Variants in KANSL3 observed in about 807,000 individuals in gnomAD.
The protein encoded by KANSL3 is KAT8 regulatory NSL complex subunit 3, also known as NSL complex protein NSL3.
A neutral mutation model predicts 89.2 loss-of-function variants in KANSL3; 16 were observed. The observed-to-expected ratio is 0.18, with a 90% CI of 0.12 to 0.27. The LOEUF (loss-of-function observed/expected upper bound fraction) is 0.27. Among genes scored for constraint, KANSL3 ranks in the 10% least tolerant of loss-of-function variants. The pLI, the probability that KANSL3 is intolerant of heterozygous loss-of-function variation, is 1.00. For missense variants in KANSL3, 879 were observed against 1,110.6 expected, an observed-to-expected ratio of 0.79 and a Z score of 2.96; for synonymous variants, 385 against 419.7, an observed-to-expected ratio of 0.92 and a Z score of 1.01.
At position 96,602,238 on chromosome 2, in the gene KANSL3, G is replaced by A; in HGVS notation, c.2360C>T (p.Ser787Phe). ...VRTIPVATTL[S>F]SLGATPGGKP... is the part of the protein sequence containing the mutation. ...CCCACCAGGAGTGGCACCCAAGGAG[G>A]AGAGAGTGGTGGCCACAGGAATGGT... The change falls in exon 19 of 21, where the codon TCC becomes TTC. Residue 787 changes from serine to phenylalanine, a missense_variant. By Grantham distance (155) the Ser-to-Phe change is radical. This residue lies in a region of KANSL3 where 89 missense variants were observed against 139.7 expected (regional missense o/e 0.64). Transcript: ENST00000431828. 1 of 1,611,812 alleles carries A rather than the reference G, an allele frequency of 6.2e-7. No individual in the cohort carries two copies. Among genetic ancestry groups the A allele is most frequent in the Non-Finnish European group, 8.5e-7 (1 of 1,179,110 alleles).
chr2:96,622,248 A>G (rs569300655), intron 3 of KANSL3, among the ~76,000 whole-genome samples: 1 of 152,246 alleles, frequency 6.6e-6, no homozygotes, highest in Admixed American at 6.5e-5. Context: ...ACAAAGTGAG[A>G]CCTTGTCTAC....
chr2:96,605,619 G>A, intron 14 of KANSL3, 108 bp from the exon 15 acceptor site: 3 of 921,224 alleles, frequency 3.3e-6, no homozygotes, highest in Non-Finnish European at 5.2e-6. Flanking sequence ...GAACACACAG[G>A]ATAACCACTC....
chr2:96,595,634 G>GT lies in KANSL3; in HGVS notation c.2617-4dup. The GT allele has an allele frequency of 6.2e-7, 1 of 1,613,812 alleles. No homozygotes were observed. The highest frequency in any genetic ancestry group is 1.3e-5 in the African/African-American group (1 of 75,062). On this transcript the variant is annotated splice_polypyrimidine_tract_variant and splice_region_variant and intron_variant, in intron 20 of 20. Transcript: ENST00000431828. ...CTTCAGGGTGCTGGAGGCAGGCGCT[G>GT]TGGCAGGAGAGGTAGTGAAGAAGGG...
chr2:96,584,826 C>T, the KANSL3 span, among the ~76,000 whole-genome samples: 6 of 152,202 alleles, frequency 3.9e-5, no homozygotes, highest in South Asian at 2.1e-4. Context: ...CTGTAATAAA[C>T]ATGGGAGTGC....
At chr2:96,613,656 AAGC>A (rs1210960905) in intron 5 of KANSL3, 37 bp from the exon 6 acceptor site, 2 of 1,600,138 alleles carry the variant, frequency 1.2e-6, no homozygotes, top group Non-Finnish European at 1.7e-6. Context: ...CTCCAGTGTA[AAGC>A]AGGAGACCTT....
chr2:96,609,820 G>A (rs2105368909), intron 11 of KANSL3, among the ~76,000 whole-genome samples: 1 of 152,024 alleles, frequency 6.6e-6, no homozygotes, highest in East Asian at 1.9e-4. Flanking sequence ...GCCCAGGACA[G>A]TCCGCTCCAG....
chr2:96,609,090 G>A, intron 12 of KANSL3, 26 bp from the exon 13 acceptor site: 1 of 1,542,986 alleles, frequency 6.5e-7, no homozygotes, highest in Non-Finnish European at 8.8e-7. Context: ...GCCAACCAAG[G>A]CCTTTTAGTC....
chr2:96,586,585 GT>G, the KANSL3 span, among the ~76,000 whole-genome samples: 1 of 152,070 alleles, frequency 6.6e-6, no homozygotes. Flanking sequence ...TTACTTCCTT[GT>G]TTTTTATTTC....
the KANSL3 span, among the ~76,000 whole-genome samples, chr2:96,584,311 C>T: frequency 5.7e-3 from 868 of 152,252 alleles, 8 homozygotes; most frequent in African/African-American, 0.02. Context: ...CCACTGCACT[C>T]GGCCAGCTTT....
chr2:96,601,312 C>T (rs2067149245), intron 20 of KANSL3: 1 of 984,746 alleles, frequency 1.0e-6, no homozygotes, highest in Non-Finnish European at 1.2e-6. Context: ...GCCAAGTAGC[C>T]TCTACTCATA....
At chr2:96,598,504 T>C (rs2066768646) in intron 20 of KANSL3, among the ~76,000 whole-genome samples, 2 of 152,234 alleles carry the variant, frequency 1.3e-5, no homozygotes, top group Admixed American at 1.3e-4. Flanking sequence ...TCTTGTTGCC[T>C]TTGTATGTAT....
In KANSL3 at chr2:96,606,123, C is replaced by T. The variant is rs116581895; in HGVS notation, c.1742-612G>A. 554 of 152,578 alleles carry T rather than the reference C, an allele frequency of 3.6e-3. 1 individual carries two copies. Among genetic ancestry groups the T allele is most frequent in the Non-Finnish European group, 5.6e-3 (380 of 68,264 alleles). The allele number at this position is 152,578 out of a possible 1,614,324, so 9.5% of individuals were successfully genotyped here. A position where few individuals can be genotyped will look rare whatever the true frequency, so the allele number is the denominator to read the frequency against. The stretch of plus-strand genomic sequence containing the variant: ...AGAGGAGTGTCACCAGGACTAAAAG[C>T]TGGCTATGAGTAGCTACTAGGAGAG... On this transcript the variant is annotated intron_variant, in intron 14 of 20. Transcript: ENST00000431828.
chr2:96,602,932 A>T, intron 17 of KANSL3, 70 bp from the exon 18 acceptor site: 1 of 1,416,064 alleles, frequency 7.1e-7, no homozygotes, highest in African/African-American at 1.4e-5. Flanking sequence ...AGCCACATCC[A>T]TCCACCCTCA....
At chr2:96,617,040 G>A (rs2070283909) in intron 5 of KANSL3, among the ~76,000 whole-genome samples, 7 of 152,168 alleles carry the variant, frequency 4.6e-5, no homozygotes, top group Admixed American at 4.6e-4. Flanking sequence ...TTTTACCGTA[G>A]GTAGAATGCT....
intron 3 of KANSL3, among the ~76,000 whole-genome samples, chr2:96,625,821 G>T (rs1412607371): frequency 6.6e-6 from 1 of 152,096 alleles, no homozygotes; most frequent in Non-Finnish European, 1.5e-5. Context: ...GAAAAAAAAT[G>T]ATCTAAACCA....
At chr2:96,615,732 GA>G (rs1179365904) in intron 5 of KANSL3, among the ~76,000 whole-genome samples, 3 of 152,206 alleles carry the variant, frequency 2.0e-5, no homozygotes, top group African/African-American at 7.2e-5. Flanking sequence ...AGAAATTAGA[GA>G]ATTATAACCA....
intron 5 of KANSL3, among the ~76,000 whole-genome samples, chr2:96,617,430 T>C (rs981463847): frequency 6.6e-6 from 1 of 152,096 alleles, no homozygotes; most frequent in Non-Finnish European, 1.5e-5. Context: ...TGGCACCCTT[T>C]AACTTAAAAA....
rs2068505493 is a variant in KANSL3, at chr2:96,609,369, T to C, written c.1383+130A>G. On this transcript the variant is annotated intron_variant, in intron 12 of 20. Coordinates refer to ENST00000431828, the MANE Select transcript of KANSL3 (RefSeq NM_001115016.3). ...CACTCTCATTTTTCTTTTCTTTGCTTATGACTGAGACCTACCAGAGGCCCC... is the reference window on the plus strand; with the variant it reads ...CACTCTCATTTTTCTTTTCTTTGCTCATGACTGAGACCTACCAGAGGCCCC... The C allele has an allele frequency of 7.6e-6, 6 of 794,442 alleles. No homozygotes were observed. In the Admixed American group the frequency reaches 1.3e-4, roughly 18 times the overall value. The allele number at this position is 794,442 out of a possible 1,614,324, so 49.2% of individuals were successfully genotyped here. A position where few individuals can be genotyped will look rare whatever the true frequency, so the allele number is the denominator to read the frequency against.
rs564769376 is a variant in KANSL3, at chr2:96,635,759, C to T, written c.215+1162G>A. ...ATCCCAGCATTTTGGGAGGCCGAGGCGGGTGGATTGCCTGAGGTCAGGAGT... is the reference window on the plus strand; with the variant it reads ...ATCCCAGCATTTTGGGAGGCCGAGGTGGGTGGATTGCCTGAGGTCAGGAGT... On this transcript the variant is annotated intron_variant, in intron 2 of 20. Coordinates refer to ENST00000431828, the MANE Select transcript of KANSL3 (RefSeq NM_001115016.3). Among the ~76,000 whole-genome samples the T allele has an allele frequency of 2.7e-3, 408 of 152,242 alleles. 1 individual carries two copies. Among genetic ancestry groups the T allele is most frequent in the Non-Finnish European group, 4.5e-3 (303 of 68,016 alleles).
Sources: gnomAD v4.1 joint callset for allele counts (sites outside exome capture counted in the v4.1 genomes callset) on GRCh38, gnomAD v4.1.1 for gene constraint, gnomAD v4.1.1 regional missense constraint, MANE v1.5 for transcripts, NCBI Gene and HGNC (gene_info 2026-07-23, HGNC 2026-07-21) for gene names.